The following C6orf89 variants were observed in gnomAD, a reference collection of about 807,000 sequenced individuals.
The protein encoded by C6orf89 is chromosome 6 open reading frame 89.
In C6orf89, 29 loss-of-function variants were observed where a neutral mutation model predicts 40.7. The ratio of observed to expected loss-of-function variants is 0.71; its 90% CI spans 0.53 to 0.97. C6orf89 has a LOEUF of 0.97. Among genes scored for constraint, C6orf89 ranks in the 50% least tolerant of loss-of-function variants. The pLI is 0.00. For synonymous variants in C6orf89, 165 were observed against 152.2 expected (o/e 1.08, Z -0.62); for missense variants, 392 against 429.1 (o/e 0.91, Z 0.76).
intron 1 of C6orf89, chr6:36,872,028 T>C (rs1306340942): frequency 4.7e-6 from 3 of 641,356 alleles, no homozygotes; most frequent in East Asian, 3.4e-5. Context: ...AACACCACAA[T>C]GCAAGTAACA....
chr6:36,901,756 C>T (rs960560073), intron 3 of C6orf89, among the ~76,000 whole-genome samples: 1 of 151,842 alleles, frequency 6.6e-6, no homozygotes, highest in African/African-American at 2.4e-5. Flanking sequence ...CTGCAAGCTC[C>T]GCCTCCCGGG....
chr6:36,919,769 G>GA, intron 8 of C6orf89, 68 bp downstream of exon 8: 2 of 1,489,786 alleles, frequency 1.3e-6, no homozygotes, highest in Non-Finnish European at 1.8e-6. Context: ...GCTATTTTAA[G>GA]AATCACATAC....
chr6:36,911,731 C>T (rs1341689831), intron 4 of C6orf89, among the ~76,000 whole-genome samples: 1 of 151,900 alleles, frequency 6.6e-6, no homozygotes. Context: ...GATGACGTTC[C>T]CTAGATGAGC....
At chr6:36,916,179 A>G (rs1762313176) in intron 6 of C6orf89, among the ~76,000 whole-genome samples, 1 of 152,124 alleles carries the variant, frequency 6.6e-6, no homozygotes, top group Non-Finnish European at 1.5e-5. Flanking sequence ...CTTTCCTTCC[A>G]ATATATATTG....
chr6:36,912,525 A>C (rs949638146), intron 4 of C6orf89, among the ~76,000 whole-genome samples: 1 of 152,210 alleles, frequency 6.6e-6, no homozygotes, highest in East Asian at 1.9e-4. Flanking sequence ...ACTGAATAAG[A>C]AGCATTTGAA....
chr6:36,885,811 A>T (rs1774953231), upstream of C6orf89: 2 of 397,020 alleles, frequency 5.0e-6, no homozygotes, highest in Non-Finnish European at 8.8e-6. Context: ...CACTCTCCAG[A>T]TATCGCGAGA....
intron 1 of C6orf89, among the ~76,000 whole-genome samples, chr6:36,875,304 C>G (rs1774623053): frequency 6.6e-6 from 1 of 152,180 alleles, no homozygotes. Context: ...GTATTATTAC[C>G]ATTTTTCAGA....
chr6:36,913,328 C>T (rs1299617325), intron 4 of C6orf89, among the ~76,000 whole-genome samples: 1 of 152,212 alleles, frequency 6.6e-6, no homozygotes, highest in Non-Finnish European at 1.5e-5. Context: ...CCACCCCCTC[C>T]TGAGCTGGGA....
chr6:36,884,664 G>T (rs553334796), upstream of C6orf89, among the ~76,000 whole-genome samples: 3 of 152,252 alleles, frequency 2.0e-5, no homozygotes, highest in East Asian at 5.8e-4. This position sits in a 1 kb window ranked among gnomAD's most constrained non-coding sequence, Gnocchi z 4.0. Context: ...TTCTGGTCAC[G>T]CTGTCACCTA....
chr6:36,923,354 C>T lies in C6orf89; in HGVS notation c.957C>T (p.Val319=), dbSNP rs534970334. 6.1e-5 allele frequency: 98 copies of T among 1,613,412 alleles called. No individual in the cohort carries two copies. The Middle Eastern group carries it at 1.5e-3, about 24-fold the overall frequency. ...MPIEPGDIGY[V]DTTHWKVYVI... ...TTGCTATTTCCCCTCAAGGCTATGT[C>T]GACACCACCCACTGGAAGGTCTACG... Residue 319 remains valine (V), a synonymous_variant, in exon 9 of 9, where the codon GTC becomes GTT. Coordinates refer to ENST00000480824, the MANE Select transcript of C6orf89 (RefSeq NM_001286635.2).
At chr6:36,892,927 T>G (rs147323626) in intron 1 of C6orf89, 1 of 151,044 alleles carries the variant, frequency 6.6e-6, no homozygotes, top group Non-Finnish European at 1.5e-5. Flanking sequence ...AGTAATGACC[T>G]TATGTTTGAA....
At chr6:36,891,043 G>T (rs1283457980) in intron 1 of C6orf89, among the ~76,000 whole-genome samples, 1 of 151,828 alleles carries the variant, frequency 6.6e-6, no homozygotes, top group African/African-American at 2.4e-5. Flanking sequence ...TGTGCACAAC[G>T]TGTAGGTTTG....
chr6:36,926,597 G>A lies in C6orf89; in HGVS notation c.*3156G>A, dbSNP rs1472236504. On this transcript the variant is annotated 3_prime_UTR_variant, in exon 9 of 9. Transcript: ENST00000480824. ...AAGAAGAGGGGAGGGGAGGGAAAGGGAAGGGAGGGGAGGGGAGGAGAGGAG... is the reference window on the plus strand; with the variant it reads ...AAGAAGAGGGGAGGGGAGGGAAAGGAAAGGGAGGGGAGGGGAGGAGAGGAG... The A allele has an allele frequency of 6.7e-5, 5 of 75,082 alleles. No individual in the cohort carries two copies. Among genetic ancestry groups the A allele is most frequent in the Admixed American group, 2.3e-4 (2 of 8,540 alleles). The allele number at this position is 75,082 out of a possible 1,614,324, so 4.7% of individuals were successfully genotyped here.
chr6:36,899,118 T>C (rs1396927184), intron 2 of C6orf89, among the ~76,000 whole-genome samples: 4 of 152,180 alleles, frequency 2.6e-5, no homozygotes, highest in Non-Finnish European at 5.9e-5. Context: ...TGGATGTCAT[T>C]AGTGCTTCAG....
chr6:36,919,715 C>T lies in C6orf89; in HGVS notation c.949+14C>T, dbSNP rs533219627. On this transcript the variant is annotated intron_variant, in intron 8 of 8. Coordinates refer to ENST00000480824, the MANE Select transcript of C6orf89 (RefSeq NM_001286635.2). ...CAGGGGATATCGGTATGTAGGGCCC[C>T]AGGAGGGCAGGGTCAATGGATCTTT... 2 of 1,595,656 alleles carry T rather than the reference C, an allele frequency of 1.3e-6. No homozygotes were observed. Among genetic ancestry groups the T allele is most frequent in the East Asian group, 4.5e-5 (2 of 44,516 alleles).
chr6:36,888,374 G>C (rs985816954), intron 1 of C6orf89, among the ~76,000 whole-genome samples: 5 of 152,206 alleles, frequency 3.3e-5, no homozygotes, highest in Admixed American at 2.6e-4. Context: ...GCTCACGCTT[G>C]TAATCCTAGC....
intron 1 of C6orf89, among the ~76,000 whole-genome samples, chr6:36,890,196 C>A (rs750424783): frequency 6.6e-6 from 1 of 152,144 alleles, no homozygotes; most frequent in African/African-American, 2.4e-5. Context: ...TTTAAATATA[C>A]AATACAGTAT....
chr6:36,904,658 A>G, intron 4 of C6orf89, among the ~76,000 whole-genome samples: 1 of 152,068 alleles, frequency 6.6e-6, no homozygotes, highest in Non-Finnish European at 1.5e-5. Flanking sequence ...AAAATATATC[A>G]TTTTTTAATG....
intron 8 of C6orf89, among the ~76,000 whole-genome samples, chr6:36,921,802 A>T (rs912472317): frequency 3.3e-5 from 5 of 152,012 alleles, no homozygotes; most frequent in Admixed American, 3.3e-4. Flanking sequence ...CCAAGGCAGG[A>T]GGATTGCTTG....
Sources: allele counts gnomAD v4.1 joint callset (sites outside exome capture counted in the v4.1 genomes callset), GRCh38; gene constraint gnomAD v4.1.1; non-coding constraint Gnocchi (gnomAD v3.1); transcripts MANE v1.5; gene names NCBI Gene and HGNC (gene_info 2026-07-23, HGNC 2026-07-21).